Variants in CTBP2 observed in about 807,000 individuals in gnomAD.
The protein encoded by CTBP2 is C-terminal-binding protein 2.
A neutral mutation model predicts 80.3 loss-of-function variants in CTBP2; 30 were observed. The ratio of observed to expected loss-of-function variants is 0.37; its 90% confidence interval spans 0.28 to 0.51. The LOEUF is 0.51. CTBP2 is among the 20% of genes least tolerant of loss of function. CTBP2 has a pLI of 0.93. For synonymous variants in CTBP2, 594 were observed against 587.4 expected (o/e 1.01, Z -0.16); for missense variants, 1,212 against 1,375.3 (o/e 0.88, Z 1.88).
chr10:125,148,268 G>C (rs1418314743), intron 1 of CTBP2, among the ~76,000 whole-genome samples: 2 of 152,130 alleles, frequency 1.3e-5, no homozygotes, highest in African/African-American at 4.8e-5. Context: ...AAAGTGCGCT[G>C]CCGGGGCCCC....
At chr10:125,007,278 G>A (rs3781433) in intron 1 of CTBP2, among the ~76,000 whole-genome samples, 67,198 of 152,194 alleles carry the variant, frequency 0.44, 16,349 homozygotes, top group East Asian at 0.69. Context: ...TCAGGCTTGC[G>A]TGTGCACCAG....
chr10:125,077,393 G>A (rs1036011433), intron 2 of CTBP2, among the ~76,000 whole-genome samples: 2 of 152,122 alleles, frequency 1.3e-5, no homozygotes, highest in African/African-American at 4.8e-5. Context: ...GGATAAGGCG[G>A]CACCTGTTGG....
intron 1 of CTBP2, 120 bp from the exon 4 acceptor site, chr10:125,003,612 G>C: frequency 1.3e-6 from 1 of 750,364 alleles, no homozygotes; most frequent in Non-Finnish European, 2.0e-6. Flanking sequence ...TGGCGGAGCA[G>C]CGAGGGCACC....
chr10:125,069,635 CA>C (rs969724597), intron 2 of CTBP2, among the ~76,000 whole-genome samples: 8 of 152,188 alleles, frequency 5.3e-5, no homozygotes, highest in African/African-American at 1.9e-4. Flanking sequence ...AACAAGAAAA[CA>C]AAATTACTGG....
At position 124,985,814 on chromosome 10, in the gene CTBP2, G is replaced by C. The variant is rs1250273498; in HGVS notation, c.*3704C>G. On this transcript the variant is annotated 3_prime_UTR_variant, in exon 9 of 9. Transcript: ENST00000309035. ...GGAGCAAGCCCACTTGTCACTAAATGAATTGTGTGAAATGTGCTCACTTGG... is the reference window on the plus strand; with the variant it reads ...GGAGCAAGCCCACTTGTCACTAAATCAATTGTGTGAAATGTGCTCACTTGG... The C allele has an allele frequency of 6.6e-6, 1 of 152,210 alleles. No homozygotes were observed. The highest frequency in any genetic ancestry group is 1.5e-5 in the Non-Finnish European group (1 of 68,040). 9.4% of individuals were successfully genotyped at this position (152,210 alleles called of 1,614,324 possible). A position where few individuals can be genotyped will look rare whatever the true frequency, so the allele number is the denominator to read the frequency against.
At chr10:125,018,767 T>C (rs557023195) in intron 1 of CTBP2, among the ~76,000 whole-genome samples, 2 of 152,214 alleles carry the variant, frequency 1.3e-5, no homozygotes, top group African/African-American at 4.8e-5. Context: ...CTAGCTGGTA[T>C]TGCAGGACGC....
At chr10:125,047,189 T>C (rs1961481523) in intron 2 of CTBP2, among the ~76,000 whole-genome samples, 1 of 152,140 alleles carries the variant, frequency 6.6e-6, no homozygotes, top group South Asian at 2.1e-4. Flanking sequence ...TAAAAGCAAA[T>C]AAGCAAACAA....
chr10:124,996,715 G>A (rs1953646271), intron 4 of CTBP2: 1 of 152,070 alleles, frequency 6.6e-6, no homozygotes. Flanking sequence ...CCCAGGCTCT[G>A]CAGCCTGGCC....
chr10:125,109,924 T>G (rs1393350240), intron 2 of CTBP2, among the ~76,000 whole-genome samples: 1 of 152,208 alleles, frequency 6.6e-6, no homozygotes, highest in Non-Finnish European at 1.5e-5. Context: ...CCCAGCTAGA[T>G]CTACTTTATG....
chr10:125,106,835 A>G (rs1177345490), intron 2 of CTBP2, among the ~76,000 whole-genome samples: 1 of 152,276 alleles, frequency 6.6e-6, no homozygotes, highest in Non-Finnish European at 1.5e-5. Context: ...AGGGTGGCGC[A>G]GGAAGCGGAA....
chr10:124,992,475 G>C (rs560312549), intron 8 of CTBP2, among the ~76,000 whole-genome samples: 99 of 152,238 alleles, frequency 6.5e-4, no homozygotes, highest in African/African-American at 2.1e-3. Context: ...ACATCTGACC[G>C]AACACACCCC....
intron 2 of CTBP2, among the ~76,000 whole-genome samples, chr10:125,068,060 G>A (rs1402899607): frequency 6.6e-6 from 1 of 152,184 alleles, no homozygotes; most frequent in African/African-American, 2.4e-5. Flanking sequence ...ACAGTCAGAT[G>A]GGCCTCAACT....
chr10:125,053,700 C>T (rs1963292302), intron 2 of CTBP2, among the ~76,000 whole-genome samples: 7 of 152,192 alleles, frequency 4.6e-5, no homozygotes, highest in Admixed American at 4.6e-4. Flanking sequence ...AGACACGCTC[C>T]TGAAGATGGG....
intron 1 of CTBP2, among the ~76,000 whole-genome samples, chr10:125,015,608 G>A (rs1485676294): frequency 6.6e-6 from 1 of 152,202 alleles, no homozygotes; most frequent in African/African-American, 2.4e-5. Context: ...CCTCTGGCTC[G>A]AGGCTGAGGA....
chr10:125,044,711 C>T (rs1960789048), intron 2 of CTBP2, among the ~76,000 whole-genome samples: 1 of 152,142 alleles, frequency 6.6e-6, no homozygotes, highest in Admixed American at 6.5e-5. Context: ...CACGATCGCA[C>T]CTGTGAATAA....
At chr10:125,159,130 C>T (rs1861472816) in intron 1 of CTBP2, among the ~76,000 whole-genome samples, 4 of 150,888 alleles carry the variant, frequency 2.7e-5, no homozygotes, top group East Asian at 2.0e-4. Flanking sequence ...AAGGCGCTTC[C>T]CCTCGGCCGC....
chr10:125,091,215 G>C (rs1307211828), intron 2 of CTBP2, among the ~76,000 whole-genome samples: 1 of 152,180 alleles, frequency 6.6e-6, no homozygotes, highest in African/African-American at 2.4e-5. Flanking sequence ...GGTCTGCAGA[G>C]GTATCTATGC....
At chr10:125,062,340 T>C (rs1163352233) in intron 2 of CTBP2, among the ~76,000 whole-genome samples, 2 of 152,226 alleles carry the variant, frequency 1.3e-5, no homozygotes, top group Non-Finnish European at 2.9e-5. Context: ...TAGGGTTTAC[T>C]GTATAATGGC....
intron 2 of CTBP2, among the ~76,000 whole-genome samples, chr10:125,055,690 C>T (rs934835773): frequency 5.3e-5 from 8 of 152,092 alleles, no homozygotes; most frequent in African/African-American, 1.9e-4. Flanking sequence ...CCAGAGCAGA[C>T]ACAGAACATC....
Sources: gnomAD v4.1 joint callset for allele counts (sites outside exome capture counted in the v4.1 genomes callset) on GRCh38, gnomAD v4.1.1 for gene constraint, MANE v1.5 for transcripts, NCBI Gene and HGNC (gene_info 2026-07-23, HGNC 2026-07-21) for gene names.